Variants in SLC39A14 observed in about 807,000 individuals in gnomAD.
The protein encoded by SLC39A14 is metal cation symporter ZIP14.
SLC39A14 carries 19 observed loss-of-function variants against 45.5 expected under a neutral mutation model. The ratio of observed to expected loss-of-function variants is 0.42; its 90% confidence interval spans 0.29 to 0.61. The LOEUF (loss-of-function observed/expected upper bound fraction) is 0.61, where lower values mean the gene tolerates loss of function less well. SLC39A14 is among the 20% of genes least tolerant of loss of function. The pLI is 0.22. For synonymous variants in SLC39A14, 264 were observed against 251.3 expected (o/e 1.05, Z -0.48); for missense variants, 447 against 616.5 (o/e 0.73, Z 2.91).
chr8:22,408,246 TGTTTAG>T, intron 2 of SLC39A14, 58 bp from the exon 3 acceptor site: 1 of 1,447,014 alleles, frequency 6.9e-7, no homozygotes, highest in Non-Finnish European at 9.5e-7. Flanking sequence ...AGTAGGTTGC[TGTTTAG>T]CAGGGCAAGG....
At chr8:22,376,475 A>G (rs892811741) in intron 1 of SLC39A14, among the ~76,000 whole-genome samples, 2 of 150,364 alleles carry the variant, frequency 1.3e-5, no homozygotes, top group Admixed American at 6.7e-5. Context: ...GAGCCACTGC[A>G]CTCGGCCATG....
intron 1 of SLC39A14, among the ~76,000 whole-genome samples, chr8:22,379,927 C>CAAAAAA (rs35093772): frequency 2.6e-4 from 23 of 87,828 alleles, no homozygotes; most frequent in Middle Eastern, 0.013. Context: ...GACTCCATCT[C>CAAAAAA]AAAAAAAAAA....
downstream of SLC39A14, among the ~76,000 whole-genome samples, chr8:22,425,556 G>GA (rs1165888076): frequency 4.7e-5 from 7 of 150,468 alleles, no homozygotes; most frequent in South Asian, 2.1e-4. Flanking sequence ...TTTAATAGTG[G>GA]AAAAAAAATC....
chr8:22,414,869 G>T lies in SLC39A14; in HGVS notation c.717G>T (p.Lys239Asn). 1.2e-6 allele frequency: 2 copies of T among 1,613,252 alleles called. No homozygotes were observed. Among genetic ancestry groups the T allele is most frequent in the Non-Finnish European group, 1.7e-6 (2 of 1,179,826 alleles). ...GGFYLFFFTE[K>N]ILKILLKQKN... ...TTTATCTTTTCTTTTTCACAGAGAA[G>T]ATCTTGAAGATTCTTCTTAAGCAGA... Residue 239 changes from lysine to asparagine, a missense_variant, in exon 5 of 9, where the codon AAG becomes AAT. Transcript: ENST00000381237.
chr8:22,403,846 A>T (rs1471496899), intron 1 of SLC39A14, among the ~76,000 whole-genome samples: 1 of 151,966 alleles, frequency 6.6e-6, no homozygotes, highest in Non-Finnish European at 1.5e-5. Flanking sequence ...TGAACCTGGG[A>T]GGTGGAGGTT....
At chr8:22,405,072 G>A (rs952599370) in intron 2 of SLC39A14, 92 bp downstream of exon 2, 14 of 1,219,478 alleles carry the variant, frequency 1.1e-5, no homozygotes, top group Admixed American at 1.1e-4. Context: ...CAGCCTGGCA[G>A]CTTGGCAGAG....
At chr8:22,384,371 G>A (rs1173329559) in intron 1 of SLC39A14, among the ~76,000 whole-genome samples, 3 of 152,076 alleles carry the variant, frequency 2.0e-5, no homozygotes, top group Middle Eastern at 3.4e-3. Context: ...TGTGGAAAGG[G>A]AGGCTGCCTG....
chr8:22,406,166 G>A (rs867975091), intron 2 of SLC39A14, among the ~76,000 whole-genome samples: 10 of 152,184 alleles, frequency 6.6e-5, no homozygotes, highest in African/African-American at 2.2e-4. Flanking sequence ...ATGGACGGGG[G>A]TGCTGGGCAC....
chr8:22,369,743 C>T (rs560988515), intron 1 of SLC39A14, among the ~76,000 whole-genome samples: 4 of 152,170 alleles, frequency 2.6e-5, no homozygotes, highest in Non-Finnish European at 5.9e-5. Flanking sequence ...CTGTTCTCAC[C>T]AGCTTGCAGG....
chr8:22,430,754 A>G (rs1343675247), intron 8 of SLC39A14, among the ~76,000 whole-genome samples: 1 of 144,730 alleles, frequency 6.9e-6, no homozygotes, highest in East Asian at 2.1e-4. Flanking sequence ...CTCGCTGCAA[A>G]CTCCACCTCC....
chr8:22,414,879 ATTC>A lies in SLC39A14; in HGVS notation c.733_735del (p.Leu245del). Reference sequence around the variant, plus strand: ...CTTTTTCACAGAGAAGATCTTGAAGATTCTTCTTAAGCAGAAAAATGAGGTGAG... The same window carrying A: ...CTTTTTCACAGAGAAGATCTTGAAGATTCTTAAGCAGAAAAATGAGGTGAG... On this transcript the variant is annotated inframe_deletion, in exon 5 of 9. Transcript: ENST00000381237. 1 of 1,613,104 alleles carries A rather than the reference ATTC, an allele frequency of 6.2e-7. No homozygotes were observed. Among genetic ancestry groups the A allele is most frequent in the Non-Finnish European group, 8.5e-7 (1 of 1,179,794 alleles).
chr8:22,407,205 A>G (rs1033276087), intron 2 of SLC39A14, among the ~76,000 whole-genome samples: 3 of 152,180 alleles, frequency 2.0e-5, no homozygotes, highest in Non-Finnish European at 4.4e-5. Flanking sequence ...GGGCAGCACC[A>G]CAGTTTTGGC....
intron 2 of SLC39A14, among the ~76,000 whole-genome samples, chr8:22,407,384 G>A (rs1039066731): frequency 1.8e-4 from 28 of 152,130 alleles, no homozygotes; most frequent in Non-Finnish European, 4.1e-4. Flanking sequence ...TGTGGGGGAT[G>A]GAGTCTCGTT....
At chr8:22,384,822 G>A (rs1833702872) in intron 1 of SLC39A14, among the ~76,000 whole-genome samples, 1 of 150,808 alleles carries the variant, frequency 6.6e-6, no homozygotes, top group African/African-American at 2.4e-5. Context: ...GGCCAAGGCA[G>A]GTGGATCACC....
intron 8 of SLC39A14, among the ~76,000 whole-genome samples, chr8:22,428,551 T>G (rs1836422344): frequency 6.7e-6 from 1 of 149,644 alleles, no homozygotes; most frequent in Admixed American, 6.7e-5. Flanking sequence ...CAAGCGATTC[T>G]CCTGCCTCAC....
chr8:22,423,464 T>C (rs1307152736), downstream of SLC39A14, among the ~76,000 whole-genome samples: 1 of 151,862 alleles, frequency 6.6e-6, no homozygotes, highest in Non-Finnish European at 1.5e-5. Flanking sequence ...GCCTCCCGAG[T>C]AGCTGGGACT....
At chr8:22,376,334 ATTTTT>A (rs778041310) in intron 1 of SLC39A14, among the ~76,000 whole-genome samples, 5 of 122,426 alleles carry the variant, frequency 4.1e-5, no homozygotes, top group African/African-American at 1.5e-4. Flanking sequence ...ACCACACCTA[ATTTTT>A]TTTTTTTTTT....
chr8:22,401,539 CTTTCTTTTTTTTTTTT>C (rs1255765261), intron 1 of SLC39A14, among the ~76,000 whole-genome samples: 2 of 115,716 alleles, frequency 1.7e-5, no homozygotes, highest in African/African-American at 6.8e-5. Flanking sequence ...TTTCTCTTCT[CTTTCTTTTTTTTTTTT>C]TTTTTTTTTT....
chr8:22,381,694 C>T (rs1029556961), intron 1 of SLC39A14, among the ~76,000 whole-genome samples: 4 of 152,174 alleles, frequency 2.6e-5, no homozygotes, highest in African/African-American at 9.7e-5. Context: ...ACATATTTGA[C>T]TTTACCTCTT....
Sources: gnomAD v4.1 joint callset for allele counts (sites outside exome capture counted in the v4.1 genomes callset) on GRCh38, gnomAD v4.1.1 for gene constraint, MANE v1.5 for transcripts, NCBI Gene and HGNC (gene_info 2026-07-23, HGNC 2026-07-21) for gene names.